Variants in ZNF83 observed in about 807,000 individuals in gnomAD.
The protein encoded by ZNF83 is zinc finger protein 816B.
For synonymous variants in ZNF83, 209 were observed against 213.0 expected (o/e 0.98, Z 0.17); for missense variants, 552 against 629.9 (o/e 0.88, Z 1.32).
chr19:52,624,969 C>T (rs1433218019), intron 2 of ZNF83, among the ~76,000 whole-genome samples: 7 of 152,138 alleles, frequency 4.6e-5, no homozygotes. Context: ...CAGCCTGCCA[C>T]ATTATTCCAG....
At chr19:52,690,041 G>A (rs1260772344) in intron 1 of ZNF83, among the ~76,000 whole-genome samples, 1 of 152,196 alleles carries the variant, frequency 6.6e-6, no homozygotes, top group Admixed American at 6.5e-5. Flanking sequence ...CAGAGGACAC[G>A]GCCTCCCCGG....
chr19:52,623,346 A>G (rs1407338381), intron 2 of ZNF83, among the ~76,000 whole-genome samples: 2 of 151,942 alleles, frequency 1.3e-5, no homozygotes, highest in Non-Finnish European at 2.9e-5. Context: ...ACTCCACATT[A>G]CCTTCTTTTC....
At chr19:52,687,589 TATATATAATGTATATATATATA>T in intron 1 of ZNF83, among the ~76,000 whole-genome samples, 1 of 58,442 alleles carries the variant, frequency 1.7e-5, no homozygotes, top group African/African-American at 9.5e-5. Flanking sequence ...TATATATATA[TATATATAATGTATATATATATA>T]ATGTGTATAT....
At chr19:52,668,724 T>C (rs1464557480) in intron 1 of ZNF83, among the ~76,000 whole-genome samples, 1 of 152,242 alleles carries the variant, frequency 6.6e-6, no homozygotes, top group African/African-American at 2.4e-5. Flanking sequence ...ATATTCCCTC[T>C]GCATGTTGAA....
intron 1 of ZNF83, among the ~76,000 whole-genome samples, chr19:52,664,464 C>G (rs755842685): frequency 6.6e-6 from 1 of 151,910 alleles, no homozygotes; most frequent in Non-Finnish European, 1.5e-5. Context: ...TAACAGCTCT[C>G]CAACCTGGGT....
At chr19:52,664,074 A>G (rs776683652) in intron 1 of ZNF83, among the ~76,000 whole-genome samples, 2 of 152,112 alleles carry the variant, frequency 1.3e-5, no homozygotes, top group Non-Finnish European at 2.9e-5. Context: ...AGTTGAGATG[A>G]GGATTCACCA....
chr19:52,627,305 C>T (rs537125388), intron 2 of ZNF83, among the ~76,000 whole-genome samples: 2 of 151,814 alleles, frequency 1.3e-5, no homozygotes, highest in Non-Finnish European at 2.9e-5. Flanking sequence ...TTCACACAGA[C>T]GAGCATGACA....
chr19:52,640,612 G>C (rs1411046418), upstream of ZNF83, among the ~76,000 whole-genome samples: 1 of 152,010 alleles, frequency 6.6e-6, no homozygotes, highest in Non-Finnish European at 1.5e-5. Flanking sequence ...CCACCTCCTG[G>C]GTTCAAGCAG....
At chr19:52,680,257 A>G (rs2061885811) in intron 1 of ZNF83, among the ~76,000 whole-genome samples, 1 of 152,146 alleles carries the variant, frequency 6.6e-6, no homozygotes, top group South Asian at 2.1e-4. Flanking sequence ...AAGATAGACA[A>G]GAGCAGATTT....
At chr19:52,629,953 C>T (rs1216084178) in intron 2 of ZNF83, among the ~76,000 whole-genome samples, 2 of 152,194 alleles carry the variant, frequency 1.3e-5, no homozygotes, top group Admixed American at 1.3e-4. Flanking sequence ...GTGAGACAAA[C>T]CCCAGCCACA....
intron 3 of ZNF83, among the ~76,000 whole-genome samples, chr19:52,644,300 T>C (rs2061346254): frequency 6.6e-6 from 1 of 152,136 alleles, no homozygotes; most frequent in South Asian, 2.1e-4. Context: ...GCCAATCATT[T>C]CAGGGGCCAG....
intron 2 of ZNF83, among the ~76,000 whole-genome samples, chr19:52,628,987 G>A (rs560181958): frequency 9.9e-5 from 15 of 151,072 alleles, no homozygotes; most frequent in Admixed American, 2.6e-4. Flanking sequence ...CCTTCCCTCC[G>A]TGTCTCTACT....
At chr19:52,652,803 G>T in intron 3 of ZNF83, 1 of 885,002 alleles carries the variant, frequency 1.1e-6, no homozygotes. Flanking sequence ...CACACTCATT[G>T]CACTTATAAG....
At chr19:52,662,365 C>T (rs527940508) in intron 1 of ZNF83, among the ~76,000 whole-genome samples, 1 of 152,176 alleles carries the variant, frequency 6.6e-6, no homozygotes, top group African/African-American at 2.4e-5. Context: ...TTTAATATCC[C>T]AGCAGAGAGC....
At chr19:52,663,420 A>G (rs1377924368) in intron 1 of ZNF83, among the ~76,000 whole-genome samples, 1 of 152,236 alleles carries the variant, frequency 6.6e-6, no homozygotes, top group Non-Finnish European at 1.5e-5. Flanking sequence ...CTGCTGGAAC[A>G]AGGTTCTAAG....
intron 1 of ZNF83, among the ~76,000 whole-genome samples, chr19:52,687,616 GTATATATATATATAATGTATATATATA>G (rs1214549017): frequency 1.0e-3 from 16 of 15,822 alleles, no homozygotes; most frequent in South Asian, 3.5e-3. Flanking sequence ...TATATAATGT[GTATATATATATATAATGTATATATATA>G]TATATATATA....
chr19:52,687,588 ATATATAT>A (rs2062056993), intron 1 of ZNF83, among the ~76,000 whole-genome samples: 1 of 44,014 alleles, frequency 2.3e-5, no homozygotes, highest in African/African-American at 2.9e-4. Flanking sequence ...TTATATATAT[ATATATAT>A]AATGTATATA....
chr19:52,654,035 C>T, intron 3 of ZNF83: 1 of 1,575,960 alleles, frequency 6.3e-7, no homozygotes, highest in Non-Finnish European at 8.7e-7. Flanking sequence ...ACCAAGGAAG[C>T]ATTGTTGATA....
intron 1 of ZNF83, among the ~76,000 whole-genome samples, chr19:52,676,563 C>T (rs1417848910): frequency 6.6e-6 from 1 of 151,882 alleles, no homozygotes; most frequent in Non-Finnish European, 1.5e-5. Context: ...GCGCCTCTGC[C>T]CGGCCGCCCC....
Sources: allele counts gnomAD v4.1 joint callset (sites outside exome capture counted in the v4.1 genomes callset), GRCh38; gene constraint gnomAD v4.1.1; transcripts MANE v1.5; gene names NCBI Gene and HGNC (gene_info 2026-07-23, HGNC 2026-07-21).